PPP2R5A: variants seen among roughly 807,000 people sequenced by gnomAD.
PPP2R5A encodes protein phosphatase 2 regulatory subunit B'alpha.
PPP2R5A carries 25 observed loss-of-function variants against 64.2 expected under a neutral mutation model. The observed-to-expected ratio is 0.39, with a 90% confidence interval of 0.28 to 0.54. The LOEUF is 0.54. PPP2R5A is among the 20% of genes least tolerant of loss of function. The pLI is 0.67. For synonymous variants in PPP2R5A, 198 were observed against 201.2 expected, an observed-to-expected ratio of 0.98 and a Z score of 0.13; for missense variants, 425 against 576.3, an observed-to-expected ratio of 0.74 and a Z score of 2.69.
chr1:212,339,479 C>T (rs1558151406), intron 3 of PPP2R5A, among the ~76,000 whole-genome samples: 2 of 152,072 alleles, frequency 1.3e-5, no homozygotes, highest in Non-Finnish European at 2.9e-5. Flanking sequence ...ACCCGGACCT[C>T]AATATGTATT....
chr1:212,321,587 A>T, intron 1 of PPP2R5A, among the ~76,000 whole-genome samples: 2 of 145,486 alleles, frequency 1.4e-5, no homozygotes, highest in South Asian at 4.3e-4. Flanking sequence ...CACATCCCAG[A>T]CAGGGTGGCA....
Position 212,324,598 on chromosome 1 carries a change from G to T in PPP2R5A, c.182-4537G>T, listed in dbSNP as rs765460954. ...GATTGTTGATAAAAATGGTCATTAT[G>T]ATTAATTTTTTTTTTTTTTTTGAGA... On this transcript the variant is annotated intron_variant, in intron 1 of 12. Transcript: ENST00000261461. Among the ~76,000 whole-genome samples the T allele has an allele frequency of 2.0e-5, 3 of 151,512 alleles. No individual in the cohort carries two copies. In the East Asian group the frequency reaches 5.8e-4, roughly 29 times the overall value.
In PPP2R5A at chr1:212,314,587, C is replaced by T. The variant is rs559553066; in HGVS notation, c.182-14548C>T. On this transcript the variant is annotated intron_variant, in intron 1 of 12. Coordinates refer to ENST00000261461, the MANE Select transcript of PPP2R5A (RefSeq NM_006243.4). The stretch of plus-strand genomic sequence containing the variant: ...TTTTTTTTTTTTTGAGATGGTGTCT[C>T]GCTGTGATGCCCAGGGTGAAGTGCA... Among the ~76,000 whole-genome samples the T allele has an allele frequency of 9.6e-5, 14 of 145,208 alleles. No individual in the cohort carries two copies. In the South Asian group the frequency reaches 1.5e-3, roughly 16 times the overall value.
chr1:212,315,140 G>A (rs1659122295), intron 1 of PPP2R5A, among the ~76,000 whole-genome samples: 1 of 152,198 alleles, frequency 6.6e-6, no homozygotes, highest in Non-Finnish European at 1.5e-5. Context: ...CACATAATCA[G>A]AATATTCTAA....
At chr1:212,294,515 A>G (rs71646155) in intron 1 of PPP2R5A, among the ~76,000 whole-genome samples, 19 of 151,570 alleles carry the variant, frequency 1.3e-4, no homozygotes, top group Admixed American at 2.6e-4. Flanking sequence ...GGTCAGTGGC[A>G]AAATATTTTG....
chr1:212,313,647 T>G (rs972682334), intron 1 of PPP2R5A: 11 of 152,130 alleles, frequency 7.2e-5, no homozygotes, highest in African/African-American at 2.4e-4. Context: ...CTGGAATAAT[T>G]TATTGAACTT....
chr1:212,303,211 G>A (rs1319024801), intron 1 of PPP2R5A, among the ~76,000 whole-genome samples: 1 of 152,136 alleles, frequency 6.6e-6, no homozygotes, highest in East Asian at 1.9e-4. Context: ...CCCACTTGTG[G>A]TATGTGAGGA....
intron 1 of PPP2R5A, among the ~76,000 whole-genome samples, chr1:212,297,041 A>G (rs899186513): frequency 7.4e-5 from 11 of 147,982 alleles, no homozygotes; most frequent in Non-Finnish European, 1.2e-4. Flanking sequence ...AGAAATATTT[A>G]TAATTGAGAA....
At chr1:212,293,535 C>T (rs1419577866) in intron 1 of PPP2R5A, among the ~76,000 whole-genome samples, 1 of 152,170 alleles carries the variant, frequency 6.6e-6, no homozygotes, top group Non-Finnish European at 1.5e-5. Context: ...CTTCTCTGAG[C>T]AGGATGTTGA....
chr1:212,298,810 T>G (rs1571575415), intron 1 of PPP2R5A, among the ~76,000 whole-genome samples: 1 of 30,250 alleles, frequency 3.3e-5, no homozygotes, highest in East Asian at 5.7e-4. Context: ...GGGTCCTCAC[T>G]TCCCAGTAGG....
chr1:212,310,823 A>G (rs1452326355), intron 1 of PPP2R5A, among the ~76,000 whole-genome samples: 1 of 152,194 alleles, frequency 6.6e-6, no homozygotes, highest in Non-Finnish European at 1.5e-5. Context: ...CTCAGCAACA[A>G]TAAGTTGCTG....
At chr1:212,326,242 G>GTTTT (rs35314006) in intron 1 of PPP2R5A, among the ~76,000 whole-genome samples, 1 of 143,104 alleles carries the variant, frequency 7.0e-6, no homozygotes. Context: ...CAAATTCAAT[G>GTTTT]TTTTTTTTTT....
rs762941508 is a variant in PPP2R5A, at chr1:212,357,150, T to C, written c.1099-7T>C. ...GTTTTGACATTTCTCTAAATGTCTT[T>C]TTTTAGGTTGCAGAAAGGGCATTGT... On this transcript the variant is annotated splice_polypyrimidine_tract_variant and splice_region_variant and intron_variant, in intron 10 of 12. Coordinates refer to ENST00000261461, the MANE Select transcript of PPP2R5A (RefSeq NM_006243.4). 9 of 1,579,886 alleles carry C rather than the reference T, an allele frequency of 5.7e-6. No individual in the cohort carries two copies. The East Asian group carries it at 1.8e-4, about 32-fold the overall frequency.
intron 4 of PPP2R5A, among the ~76,000 whole-genome samples, chr1:212,344,060 C>T (rs1205022640): frequency 6.6e-6 from 1 of 152,232 alleles, no homozygotes; most frequent in Admixed American, 6.5e-5. Context: ...CAACCTCGGC[C>T]TCCCAGGTTC....
At chr1:212,321,591 G>C (rs1204074322) in intron 1 of PPP2R5A, among the ~76,000 whole-genome samples, 2 of 146,778 alleles carry the variant, frequency 1.4e-5, no homozygotes, top group African/African-American at 2.7e-5. Context: ...TCCCAGACAG[G>C]GTGGCAGGGC....
chr1:212,309,762 G>T (rs76940922), intron 1 of PPP2R5A, among the ~76,000 whole-genome samples: 1 of 152,014 alleles, frequency 6.6e-6, no homozygotes, highest in East Asian at 1.9e-4. Context: ...GGCCACATTG[G>T]AAGAATTGTC....
intron 1 of PPP2R5A, among the ~76,000 whole-genome samples, chr1:212,314,724 AT>A (rs895980805): frequency 3.1e-4 from 45 of 146,062 alleles, no homozygotes; most frequent in Admixed American, 3.4e-4. Context: ...TGCCTGGCTA[AT>A]TTTTTTTTTT....
chr1:212,314,525 A>G (rs540976930), intron 1 of PPP2R5A, among the ~76,000 whole-genome samples: 5 of 150,626 alleles, frequency 3.3e-5, no homozygotes, highest in Non-Finnish European at 7.4e-5. Flanking sequence ...GCCTCCAAGT[A>G]GCTGGAACTA....
At position 212,346,047 on chromosome 1, in the gene PPP2R5A, G is replaced by C. The variant is rs1022061438; in HGVS notation, c.704+114G>C. ...GACAGGGTCTCACTCTGTCATCCAGGCTGGAGTGCAGTGGTGAGAACATAG... is the reference window on the plus strand; with the variant it reads ...GACAGGGTCTCACTCTGTCATCCAGCCTGGAGTGCAGTGGTGAGAACATAG... On this transcript the variant is annotated intron_variant, in intron 5 of 12. Coordinates refer to ENST00000261461, the MANE Select transcript of PPP2R5A (RefSeq NM_006243.4). 3.7e-6 allele frequency: 4 copies of C among 1,066,886 alleles called. No individual in the cohort carries two copies. In the African/African-American group the frequency reaches 6.6e-5, roughly 18 times the overall value. 66.1% of individuals were successfully genotyped at this position (1,066,886 alleles called of 1,614,324 possible). A position where few individuals can be genotyped will look rare whatever the true frequency, so the allele number is the denominator to read the frequency against.
Sources: allele counts gnomAD v4.1 joint callset (sites outside exome capture counted in the v4.1 genomes callset), GRCh38; gene constraint gnomAD v4.1.1; transcripts MANE v1.5; gene names NCBI Gene and HGNC (gene_info 2026-07-23, HGNC 2026-07-21).